RFTN1: variants seen among roughly 807,000 people sequenced by gnomAD.
The protein encoded by RFTN1 is raftlin.
A neutral mutation model predicts 46.5 loss-of-function variants in RFTN1; 26 were observed. The ratio of observed to expected loss-of-function variants is 0.56; its 90% confidence interval spans 0.41 to 0.78. The LOEUF is 0.78. RFTN1 is among the 30% of genes least tolerant of loss of function. RFTN1 has a pLI of 0.00. For synonymous variants in RFTN1, 261 were observed against 284.2 expected, an observed-to-expected ratio of 0.92 and a Z score of 0.82; for missense variants, 693 against 718.7, an observed-to-expected ratio of 0.96 and a Z score of 0.41.
chr3:16,511,611 A>T (rs1427293754), intron 1 of RFTN1, among the ~76,000 whole-genome samples: 1 of 152,164 alleles, frequency 6.6e-6, no homozygotes, highest in Non-Finnish European at 1.5e-5. Context: ...GCAAAGCACC[A>T]TGCCCCACCA....
intron 2 of RFTN1, among the ~76,000 whole-genome samples, chr3:16,461,004 G>A (rs1188736423): frequency 3.9e-5 from 6 of 152,268 alleles, no homozygotes; most frequent in Non-Finnish European, 7.3e-5. Context: ...GAGATGAGGA[G>A]GCCACGCCAC....
chr3:16,434,068 G>A, intron 2 of RFTN1, 31 bp from the exon 3 acceptor site: 1 of 1,530,720 alleles, frequency 6.5e-7, no homozygotes. Context: ...GCTCATCAAA[G>A]ACCCATCACA....
At position 16,345,786 on chromosome 3, in the gene RFTN1, CTCTGTG is replaced by C. The variant is rs1210266035; in HGVS notation, c.1146+12140_1146+12145del. ...CATGAGCCAAAACCTTATAATAAAT[CTCTGTG>C]TGTGTGTGTGTGTGTGTGTGTGTGT... On this transcript the variant is annotated intron_variant, in intron 7 of 9. Coordinates refer to ENST00000334133, the MANE Select transcript of RFTN1 (RefSeq NM_015150.2). This position sits in a 1 kb window ranked among gnomAD's most constrained non-coding sequence, Gnocchi z 5.2. 1.3e-4 allele frequency among the ~76,000 whole-genome samples: 11 copies of C among 81,556 alleles called. No individual in the cohort carries two copies. The highest frequency in any genetic ancestry group is 5.2e-4 in the Admixed American group (4 of 7,706). 53.5% of individuals were successfully genotyped at this position (81,556 alleles called of 152,430 possible).
At position 16,507,217 on chromosome 3, in the gene RFTN1, A is replaced by G. The variant is rs2076822416; in HGVS notation, c.-9+6225T>C. 6.6e-6 allele frequency among the ~76,000 whole-genome samples: 1 copy of G among 152,206 alleles called. No individual in the cohort carries two copies. The highest frequency in any genetic ancestry group is 1.5e-5 in the Non-Finnish European group (1 of 68,038). The stretch of plus-strand genomic sequence containing the variant: ...GAGCAGTATAAATATTAACCGTTTT[A>G]GTACTCTACTGGGATTACTTGTTGC... On this transcript the variant is annotated intron_variant, in intron 1 of 9. Coordinates refer to ENST00000334133, the MANE Select transcript of RFTN1 (RefSeq NM_015150.2). This position sits in a 1 kb window ranked among gnomAD's most constrained non-coding sequence, Gnocchi z 7.1.
chr3:16,383,942 C>A lies in RFTN1; in HGVS notation c.442-5840G>T, dbSNP rs898311617. 1.3e-5 allele frequency among the ~76,000 whole-genome samples: 2 copies of A among 152,098 alleles called. No homozygotes were observed. Among genetic ancestry groups the A allele is most frequent in the African/African-American group, 2.4e-5 (1 of 41,394 alleles). On this transcript the variant is annotated intron_variant, in intron 4 of 9. Coordinates refer to ENST00000334133, the MANE Select transcript of RFTN1 (RefSeq NM_015150.2). This position sits in a 1 kb window ranked among gnomAD's most constrained non-coding sequence, Gnocchi z 4.0. ...GTCCACTTGACTGAACTATGGTGAC[C>A]AATTGTTTGGTAAAACTCTAGTCTA...
chr3:16,497,464 G>T lies in RFTN1; in HGVS notation c.-8-3587C>A, dbSNP rs561944857. 3.3e-5 allele frequency among the ~76,000 whole-genome samples: 5 copies of T among 152,334 alleles called. No homozygotes were observed. In the South Asian group the frequency reaches 1.0e-3, roughly 32 times the overall value. ...AAGGACTCTTCTCTCTATCAGGCTGGTGGCAGCTTCTAATGGGTAGCGGCA... is the reference window on the plus strand; with the variant it reads ...AAGGACTCTTCTCTCTATCAGGCTGTTGGCAGCTTCTAATGGGTAGCGGCA... On this transcript the variant is annotated intron_variant, in intron 1 of 9. Transcript: ENST00000334133.
chr3:16,393,254 G>T (rs112317265), intron 4 of RFTN1, among the ~76,000 whole-genome samples: 5 of 152,228 alleles, frequency 3.3e-5, no homozygotes, highest in Middle Eastern at 3.4e-3. Context: ...GGTGCACTGA[G>T]GTAACCTGGA....
intron 4 of RFTN1, among the ~76,000 whole-genome samples, chr3:16,409,100 C>T (rs1394093320): frequency 3.3e-5 from 5 of 152,182 alleles, no homozygotes; most frequent in African/African-American, 4.8e-5. Flanking sequence ...AAAGGAGTCC[C>T]GGCGCAGGCC....
rs532639023 is a variant in RFTN1, at chr3:16,337,587, C to A, written c.1147-10711G>T. On this transcript the variant is annotated intron_variant, in intron 7 of 9. Transcript: ENST00000334133. This position sits in a 1 kb window ranked among gnomAD's most constrained non-coding sequence, Gnocchi z 5.0. ...TGAAACCTCGTCTCTACTAAAAATA[C>A]AAAAATTAGCCAAGCATGGTGGCAG... 1.5e-3 allele frequency among the ~76,000 whole-genome samples: 221 copies of A among 151,850 alleles called. 1 individual carries two copies. The highest frequency in any genetic ancestry group is 5.0e-3 in the African/African-American group (205 of 41,400).
rs1365589061 is a variant in RFTN1, at chr3:16,513,046, C to G, written c.-9+396G>C. 1.3e-5 allele frequency: 2 copies of G among 152,516 alleles called. No homozygotes were observed. The highest frequency in any genetic ancestry group is 2.9e-5 in the Non-Finnish European group (2 of 68,346). The allele number at this position is 152,516 out of a possible 1,614,324, so 9.4% of individuals were successfully genotyped here. A position where few individuals can be genotyped will look rare whatever the true frequency, so the allele number is the denominator to read the frequency against. On this transcript the variant is annotated intron_variant, in intron 1 of 9. Coordinates refer to ENST00000334133, the MANE Select transcript of RFTN1 (RefSeq NM_015150.2). The surrounding 1 kb of genome is among the most constrained non-coding windows in gnomAD (Gnocchi z 5.4). The stretch of plus-strand genomic sequence containing the variant: ...CCCTCCTGTTCTTTTCCGAGGACCC[C>G]AGCGGCAGTGTGTCCTGGACCCACC...
Position 16,357,944 on chromosome 3 carries a change from C to T in RFTN1, c.1134G>A (p.Trp378Ter), listed in dbSNP as rs145664011. The T allele has an allele frequency of 2.7e-5, 44 of 1,610,066 alleles. No individual in the cohort carries two copies. Among genetic ancestry groups the T allele is most frequent in the Non-Finnish European group, 3.5e-5 (41 of 1,176,524 alleles). Residue 378 changes from tryptophan to a stop codon, truncating the protein, a stop_gained, in exon 7 of 10, where the codon TGG (tryptophan) becomes TGA (stop). Coordinates refer to ENST00000334133, the MANE Select transcript of RFTN1 (RefSeq NM_015150.2). LOFTEE classifies it high-confidence loss of function. ...ACCCCACACTTACTTCCAGGACTGT[C>T]CATTGTTCAACCACAATAGCATCAT... ...QGYDAIVVEQ[W>*]TVLEGVEVQT...
chr3:16,487,748 C>A (rs1020309854), intron 2 of RFTN1, among the ~76,000 whole-genome samples: 1 of 152,290 alleles, frequency 6.6e-6, no homozygotes, highest in South Asian at 2.1e-4. Context: ...ACATAGGTAG[C>A]TTTCAAGTGG....
chr3:16,331,152 A>G (rs1177610185), intron 7 of RFTN1, among the ~76,000 whole-genome samples: 1 of 152,224 alleles, frequency 6.6e-6, no homozygotes, highest in Non-Finnish European at 1.5e-5. Context: ...CACAGGACTG[A>G]GACCTTGCCT....
chr3:16,405,674 T>G (rs574081345), intron 4 of RFTN1, among the ~76,000 whole-genome samples: 2 of 152,316 alleles, frequency 1.3e-5, no homozygotes, highest in South Asian at 2.1e-4. Context: ...GTGTCCTCTA[T>G]CCAAAGGTTC....
At chr3:16,364,853 G>A (rs2073054379) in intron 6 of RFTN1, among the ~76,000 whole-genome samples, 1 of 152,180 alleles carries the variant, frequency 6.6e-6, no homozygotes, top group South Asian at 2.1e-4. Context: ...TTCAAGTAGG[G>A]ACTGTGGTTA....
rs67758962 is a variant in RFTN1 at position 16,459,495 on chromosome 3, A to G, written c.146-25458T>C. Among the ~76,000 whole-genome samples the G allele has an allele frequency of 0.17, 25,298 of 152,136 alleles. 2,350 individuals carry two copies. Among genetic ancestry groups the G allele is most frequent in the East Asian group, 0.27 (1,375 of 5,182 alleles). ...CCTTTATCCCAGCTACTTGGAGACT[A>G]AGGTGGGGCACTGCTTAAGCTCAGG... On this transcript the variant is annotated intron_variant, in intron 2 of 9. Transcript: ENST00000334133. This position sits in a 1 kb window ranked among gnomAD's most constrained non-coding sequence, Gnocchi z 4.2.
Position 16,413,071 on chromosome 3 carries a change from T to C in RFTN1, c.333-3588A>G, listed in dbSNP as rs2075006611. Among the ~76,000 whole-genome samples the C allele has an allele frequency of 6.6e-6, 1 of 152,250 alleles. No individual in the cohort carries two copies. Among genetic ancestry groups the C allele is most frequent in the African/African-American group, 2.4e-5 (1 of 41,458 alleles). On this transcript the variant is annotated intron_variant, in intron 3 of 9. Coordinates refer to ENST00000334133, the MANE Select transcript of RFTN1 (RefSeq NM_015150.2). This position sits in a 1 kb window ranked among gnomAD's most constrained non-coding sequence, Gnocchi z 4.7. ...ACGTACCATTTTGAACCATGAAATG[T>C]GTTATCATTTATTACAGAGCATAGA...
rs1005823205 is a variant in RFTN1, at chr3:16,329,133, C to CAA, written c.1147-2259_1147-2258dup. 1.3e-5 allele frequency among the ~76,000 whole-genome samples: 2 copies of CAA among 152,222 alleles called. No individual in the cohort carries two copies. The highest frequency in any genetic ancestry group is 3.9e-4 in the East Asian group (2 of 5,184). On this transcript the variant is annotated intron_variant, in intron 7 of 9. Coordinates refer to ENST00000334133, the MANE Select transcript of RFTN1 (RefSeq NM_015150.2). The surrounding 1 kb of genome is among the most constrained non-coding windows in gnomAD (Gnocchi z 4.5). ...AACTCAGGCAAAGGGCTTGAGGCTACAAGTTCAGTCTCCTGCTCTCTCCCC... is the reference window on the plus strand; with the variant it reads ...AACTCAGGCAAAGGGCTTGAGGCTACAAAAGTTCAGTCTCCTGCTCTCTCCCC...
chr3:16,482,974 G>A, intron 2 of RFTN1: 1 of 663,686 alleles, frequency 1.5e-6, no homozygotes, highest in Non-Finnish European at 2.5e-6. Context: ...GCTGCTTAGA[G>A]CCTCCCTTCT....
Sources: gnomAD v4.1 joint callset for allele counts (sites outside exome capture counted in the v4.1 genomes callset) on GRCh38, gnomAD v4.1.1 for gene constraint, Gnocchi (gnomAD v3.1) non-coding constraint, MANE v1.5 for transcripts, NCBI Gene and HGNC (gene_info 2026-07-23, HGNC 2026-07-21) for gene names.